The following ZNF846 variants were observed in gnomAD, a reference collection of about 807,000 sequenced individuals.
ZNF846 encodes zinc finger protein 420 pseudogene.
In ZNF846, 15 loss-of-function variants were observed where a neutral mutation model predicts 16.0. The ratio of observed to expected loss-of-function variants is 0.94; its 90% CI spans 0.63 to 1.45. ZNF846 has a LOEUF of 1.45. Among genes scored for constraint, ZNF846 ranks in the 40% most tolerant of loss-of-function variants. ZNF846 has a pLI of 0.00. For missense variants in ZNF846, 714 were observed against 622.3 expected, an observed-to-expected ratio of 1.15 and a Z score of -1.57; for synonymous variants, 229 against 212.0, an observed-to-expected ratio of 1.08 and a Z score of -0.70.
chr19:9,761,932 T>G, intron 4 of ZNF846, 150 bp downstream of exon 4: 1 of 563,078 alleles, frequency 1.8e-6, no homozygotes, highest in Non-Finnish European at 3.1e-6. Context: ...ATGAGGGGAG[T>G]TGAAAGTATC....
At chr19:9,781,507 A>ACAG in intron 1 of ZNF846, among the ~76,000 whole-genome samples, 1 of 152,172 alleles carries the variant, frequency 6.6e-6, no homozygotes, top group African/African-American at 2.4e-5. Flanking sequence ...TCTTGTCATA[A>ACAG]CGCTTTATCA....
intron 1 of ZNF846, chr19:9,774,516 T>C: frequency 8.4e-7 from 1 of 1,187,054 alleles, no homozygotes; most frequent in South Asian, 1.2e-5. Flanking sequence ...AGCAGGAGGC[T>C]GATTAAGAGC....
At chr19:9,764,943 GAATCCATCAGT>G in exon 2 of ZNF846, 1 of 1,614,140 alleles carries the variant, frequency 6.2e-7, no homozygotes. Context: ...TGCCTGAGAA[GAATCCATCAGT>G]AATCCATCAG....
chr19:9,755,739 G>A (rs2045126695), downstream of ZNF846: 1 of 113,632 alleles, frequency 8.8e-6, no homozygotes, highest in Non-Finnish European at 1.7e-5. Context: ...GGCGGAGCTT[G>A]CAGTGAGCCG....
At chr19:9,767,378 G>A (rs992057814) in intron 1 of ZNF846, among the ~76,000 whole-genome samples, 3 of 151,820 alleles carry the variant, frequency 2.0e-5, no homozygotes, top group Non-Finnish European at 4.4e-5. Context: ...CAGGTGAACC[G>A]CCCACCTCGG....
In ZNF846 at chr19:9,758,249, G is replaced by GT; in HGVS notation, c.827dup (p.His276GlnfsTer8). The GT allele has an allele frequency of 6.2e-7, 1 of 1,613,240 alleles. No homozygotes were observed. Among genetic ancestry groups the GT allele is most frequent in the Non-Finnish European group, 8.5e-7 (1 of 1,179,974 alleles). On this transcript the variant is annotated frameshift_variant, in exon 6 of 6. Coordinates refer to ENST00000397902, the Ensembl canonical transcript of ZNF846. LOFTEE classifies it low-confidence loss of function (END_TRUNC). Reference sequence around the variant, plus strand: ...TACATTTATATGGTTTTTCTCCACTGTGAGTTCTGATGTGTAATTTAAGTC... The same window carrying GT: ...TACATTTATATGGTTTTTCTCCACTGTTGAGTTCTGATGTGTAATTTAAGTC...
intron 1 of ZNF846, among the ~76,000 whole-genome samples, chr19:9,782,578 T>G (rs550829339): frequency 3.3e-5 from 5 of 152,304 alleles, no homozygotes; most frequent in Non-Finnish European, 5.9e-5. Flanking sequence ...TCTCTATTTT[T>G]ACTTTCCCTT....
chr19:9,756,115 C>G (rs933970753), downstream of ZNF846: 3 of 149,406 alleles, frequency 2.0e-5, no homozygotes, highest in African/African-American at 7.6e-5. Flanking sequence ...GCTGGGATTA[C>G]AAGCATGAGT....
At chr19:9,758,066 T>C in exon 6 of ZNF846, 1 of 1,613,296 alleles carries the variant, frequency 6.2e-7, no homozygotes, top group Non-Finnish European at 8.5e-7. Flanking sequence ...TACATTCATA[T>C]GGCTTTTCTC....
At chr19:9,782,801 T>C (rs2045514874) in intron 1 of ZNF846, among the ~76,000 whole-genome samples, 1 of 152,238 alleles carries the variant, frequency 6.6e-6, no homozygotes, top group African/African-American at 2.4e-5. Flanking sequence ...GGACACCATA[T>C]GCATTTGAAA....
chr19:9,775,185 G>GTA (rs559361921), intron 1 of ZNF846, among the ~76,000 whole-genome samples: 8 of 140,950 alleles, frequency 5.7e-5, no homozygotes, highest in Middle Eastern at 3.5e-3. Flanking sequence ...ATATATATGT[G>GTA]TATATATATG....
intron 3 of ZNF846, among the ~76,000 whole-genome samples, chr19:9,762,799 T>C (rs944149508): frequency 1.3e-5 from 2 of 152,136 alleles, no homozygotes; most frequent in African/African-American, 4.8e-5. Flanking sequence ...AAAAAACTGG[T>C]CTGTGCATAA....
At chr19:9,771,110 T>C (rs1409762964), upstream of ZNF846, among the ~76,000 whole-genome samples, 1 of 152,072 alleles carries the variant, frequency 6.6e-6, no homozygotes, top group Non-Finnish European at 1.5e-5. Context: ...TTATCCACTT[T>C]TATCCCTCAC....
At chr19:9,768,527 T>C (rs1341589125) in exon 1 of ZNF846, 2 of 152,228 alleles carry the variant, frequency 1.3e-5, no homozygotes, top group East Asian at 3.9e-4. Context: ...ACCCCCCGCC[T>C]CGGGGTCCTG....
At chr19:9,773,442 T>C (rs1199415975), upstream of ZNF846, among the ~76,000 whole-genome samples, 1 of 152,118 alleles carries the variant, frequency 6.6e-6, no homozygotes, top group Non-Finnish European at 1.5e-5. Context: ...GTGTGTGTAC[T>C]GGAAGCATTA....
intron 1 of ZNF846, among the ~76,000 whole-genome samples, chr19:9,780,128 C>G (rs954950036): frequency 6.8e-6 from 1 of 147,226 alleles, no homozygotes; most frequent in Non-Finnish European, 1.5e-5. Flanking sequence ...TGGGCTCAAG[C>G]AATCCCCCTA....
intron 1 of ZNF846, among the ~76,000 whole-genome samples, chr19:9,785,337 A>G (rs1364365355): frequency 6.6e-6 from 1 of 151,514 alleles, no homozygotes; most frequent in Non-Finnish European, 1.5e-5. Flanking sequence ...AGCTGGGACT[A>G]CAGGCGCCTG....
At chr19:9,760,321 T>C (rs2045204651) in intron 4 of ZNF846, among the ~76,000 whole-genome samples, 1 of 148,984 alleles carries the variant, frequency 6.7e-6, no homozygotes, top group African/African-American at 2.5e-5. Flanking sequence ...GGAACAGACA[T>C]AGCATAATCA....
chr19:9,748,657 A>G (rs115792948), downstream of ZNF846, among the ~76,000 whole-genome samples: 1,362 of 152,018 alleles, frequency 9.0e-3, 14 homozygotes, highest in African/African-American at 0.032. Context: ...CTGTTTTGGT[A>G]GAACTAATGG....
Sources: allele counts gnomAD v4.1 joint callset (sites outside exome capture counted in the v4.1 genomes callset), GRCh38; gene constraint gnomAD v4.1.1; transcripts MANE v1.5; gene names NCBI Gene and HGNC (gene_info 2026-07-23, HGNC 2026-07-21).